The following CCDC18 variants were observed in gnomAD, a reference collection of about 807,000 sequenced individuals.
CCDC18 encodes coiled-coil domain containing 18, also known as coiled-coil domain-containing protein 18.
CCDC18 carries 157 observed loss-of-function variants against 196.0 expected under a neutral mutation model. The ratio of observed to expected loss-of-function variants is 0.80; its 90% CI spans 0.70 to 0.91. The LOEUF (loss-of-function observed/expected upper bound fraction) is 0.91, where lower values mean the gene tolerates loss of function less well. CCDC18 is among the 40% of genes least tolerant of loss of function. CCDC18 has a pLI of 0.00. For synonymous variants in CCDC18, 482 were observed against 529.2 expected, an observed-to-expected ratio of 0.91 and a Z score of 1.22; for missense variants, 1,465 against 1,611.6, an observed-to-expected ratio of 0.91 and a Z score of 1.56.
At chr1:93,190,021 T>C (rs1651451992) in intron 4 of CCDC18, among the ~76,000 whole-genome samples, 1 of 152,208 alleles carries the variant, frequency 6.6e-6, no homozygotes, top group South Asian at 2.1e-4. Flanking sequence ...TTAAATCTTT[T>C]ATTTTGGCTG....
In CCDC18 at chr1:93,244,224, T is replaced by A. The variant is rs376570491; in HGVS notation, c.2982-1881T>A. On this transcript the variant is annotated intron_variant, in intron 21 of 28. Coordinates refer to ENST00000690025, the MANE Select transcript of CCDC18 (RefSeq NM_001378204.1). Reference sequence around the variant, plus strand: ...CCATTTTTAAAACCATCAGATCTCATGAGACTTATTCACTGTCACAAGAAT... The same window carrying A: ...CCATTTTTAAAACCATCAGATCTCAAGAGACTTATTCACTGTCACAAGAAT... 4.3e-4 allele frequency among the ~76,000 whole-genome samples: 65 copies of A among 152,304 alleles called. 1 individual carries two copies. Among genetic ancestry groups the A allele is most frequent in the African/African-American group, 1.3e-3 (56 of 41,560 alleles).
At chr1:93,181,054 C>T (rs1258326105) in intron 1 of CCDC18, among the ~76,000 whole-genome samples, 4 of 150,334 alleles carry the variant, frequency 2.7e-5, no homozygotes, top group African/African-American at 7.3e-5. Flanking sequence ...CAGTGGCTTA[C>T]GCCTGTTACC....
At chr1:93,232,737 G>A (rs1659439166) in intron 18 of CCDC18, 144 bp downstream of exon 18, 1 of 595,150 alleles carries the variant, frequency 1.7e-6, no homozygotes, top group Non-Finnish European at 2.9e-6. Flanking sequence ...TTGGGAGGCT[G>A]AGGCAGGCGG....
intron 17 of CCDC18, among the ~76,000 whole-genome samples, chr1:93,227,949 C>T (rs1225043083): frequency 1.6e-5 from 2 of 128,122 alleles, no homozygotes; most frequent in African/African-American, 3.3e-5. Flanking sequence ...CACAGCGAGA[C>T]CCTATCTCAA....
intron 25 of CCDC18, among the ~76,000 whole-genome samples, chr1:93,257,883 CT>C (rs1244267646): frequency 6.6e-6 from 1 of 151,610 alleles, no homozygotes; most frequent in Non-Finnish European, 1.5e-5. Flanking sequence ...TATGTTTTTC[CT>C]TTGATGTAGG....
intron 27 of CCDC18, among the ~76,000 whole-genome samples, chr1:93,265,872 T>A (rs1044831047): frequency 6.6e-6 from 1 of 151,812 alleles, no homozygotes; most frequent in African/African-American, 2.4e-5. Flanking sequence ...ACTGTCAACA[T>A]TAGACAGATC....
intron 23 of CCDC18, among the ~76,000 whole-genome samples, chr1:93,253,086 C>CT (rs1557693698): frequency 1.3e-5 from 2 of 152,110 alleles, no homozygotes; most frequent in African/African-American, 4.8e-5. Context: ...GAGACTGGCC[C>CT]TCTTGGGATA....
chr1:93,195,433 A>G (rs1166827810), intron 6 of CCDC18, among the ~76,000 whole-genome samples: 2 of 152,212 alleles, frequency 1.3e-5, no homozygotes, highest in Admixed American at 1.3e-4. Flanking sequence ...ATTTTTAGGT[A>G]GAGGTATGAC....
intron 27 of CCDC18, 95 bp from the exon 28 acceptor site, chr1:93,270,252 A>C: frequency 1.4e-6 from 1 of 719,706 alleles, no homozygotes; most frequent in Non-Finnish European, 2.3e-6. Flanking sequence ...ATAGTGGGAC[A>C]AAGGTTGACT....
chr1:93,229,980 CT>C (rs1658984238), intron 17 of CCDC18, among the ~76,000 whole-genome samples: 1 of 151,778 alleles, frequency 6.6e-6, no homozygotes, highest in African/African-American at 2.4e-5. Context: ...TTTTGAGAAG[CT>C]GGCATCATAT....
At chr1:93,220,583 G>T (rs1657258729) in intron 14 of CCDC18, among the ~76,000 whole-genome samples, 3 of 152,080 alleles carry the variant, frequency 2.0e-5, no homozygotes, top group Non-Finnish European at 4.4e-5. Context: ...AAGGGGGAGG[G>T]GTAAAGGGGT....
At chr1:93,198,995 G>A (rs1653300767) in intron 6 of CCDC18, among the ~76,000 whole-genome samples, 1 of 152,170 alleles carries the variant, frequency 6.6e-6, no homozygotes, top group South Asian at 2.1e-4. Context: ...ATCAGGTATG[G>A]TAAGATACAG....
At chr1:93,242,934 G>T (rs1661014322) in intron 21 of CCDC18, among the ~76,000 whole-genome samples, 1 of 152,224 alleles carries the variant, frequency 6.6e-6, no homozygotes. Context: ...GACTTTGTAG[G>T]CTATAGCCTT....
chr1:93,185,951 T>C (rs1192014707), intron 3 of CCDC18, among the ~76,000 whole-genome samples: 1 of 151,944 alleles, frequency 6.6e-6, no homozygotes, highest in African/African-American at 2.4e-5. Flanking sequence ...TTGTTGGTGG[T>C]GGACATTTGG....
intron 16 of CCDC18, among the ~76,000 whole-genome samples, chr1:93,224,225 G>A (rs964141112): frequency 6.6e-6 from 1 of 152,024 alleles, no homozygotes; most frequent in Non-Finnish European, 1.5e-5. Context: ...ATGCATGCAT[G>A]CTTGTGTGTG....
intron 11 of CCDC18, among the ~76,000 whole-genome samples, chr1:93,213,048 GT>G (rs1235328389): frequency 6.6e-6 from 1 of 152,152 alleles, no homozygotes; most frequent in Non-Finnish European, 1.5e-5. Context: ...AATAGGGTTT[GT>G]GTTCCTGTGG....
intron 28 of CCDC18, among the ~76,000 whole-genome samples, chr1:93,276,769 A>G (rs1470403988): frequency 6.6e-6 from 1 of 152,142 alleles, no homozygotes; most frequent in East Asian, 1.9e-4. Flanking sequence ...CTGCTTTTAT[A>G]TGCAAATAAT....
chr1:93,198,822 A>T (rs926563103), intron 6 of CCDC18, among the ~76,000 whole-genome samples: 1 of 151,688 alleles, frequency 6.6e-6, no homozygotes, highest in South Asian at 2.1e-4. Context: ...TAATTTTTAA[A>T]TTTTTTTTAC....
intron 4 of CCDC18, among the ~76,000 whole-genome samples, chr1:93,188,962 G>A (rs1365980084): frequency 1.3e-5 from 2 of 152,176 alleles, no homozygotes; most frequent in African/African-American, 2.4e-5. Flanking sequence ...GGCATTTATC[G>A]TTTGTGTTAT....
Sources: gnomAD v4.1 joint callset for allele counts (sites outside exome capture counted in the v4.1 genomes callset) on GRCh38, gnomAD v4.1.1 for gene constraint, MANE v1.5 for transcripts, NCBI Gene and HGNC (gene_info 2026-07-23, HGNC 2026-07-21) for gene names.